The following TOGARAM2 variants were observed in gnomAD, a reference collection of about 807,000 sequenced individuals.
The protein encoded by TOGARAM2 is TOG array regulator of axonemal microtubules protein 2.
A neutral mutation model predicts 93.3 loss-of-function variants in TOGARAM2; 85 were observed. That is an observed-to-expected ratio of 0.91 (90% CI 0.76 to 1.09). The LOEUF (loss-of-function observed/expected upper bound fraction) is 1.09. Ranked by LOEUF, TOGARAM2 falls within the 50% of genes least tolerant of loss-of-function variation. TOGARAM2 has a pLI of 0.00. For missense variants in TOGARAM2, 1,277 were observed against 1,334.5 expected (o/e 0.96, Z 0.67); for synonymous variants, 593 against 552.8 (o/e 1.07, Z -1.02).
intron 1 of TOGARAM2, among the ~76,000 whole-genome samples, chr2:28,957,621 G>T (rs998323649): frequency 2.0e-5 from 3 of 152,330 alleles, no homozygotes; most frequent in East Asian, 3.9e-4. Context: ...TGGAAGAAAT[G>T]ATCTCATTGC....
intron 18 of TOGARAM2, among the ~76,000 whole-genome samples, chr2:29,039,962 C>T (rs971405688): frequency 1.4e-4 from 22 of 152,202 alleles, no homozygotes; most frequent in Non-Finnish European, 2.1e-4. Flanking sequence ...TAATTTACTC[C>T]AGCCCCTGGT....
At chr2:29,018,897 A>G (rs201724163) in intron 10 of TOGARAM2, among the ~76,000 whole-genome samples, 296 of 152,322 alleles carry the variant, frequency 1.9e-3, no homozygotes, top group African/African-American at 6.8e-3. Flanking sequence ...TCAGGCTCAA[A>G]GACAGAAGCT....
intron 1 of TOGARAM2, among the ~76,000 whole-genome samples, chr2:28,983,792 C>G (rs1260001508): frequency 6.6e-6 from 1 of 152,172 alleles, no homozygotes; most frequent in Non-Finnish European, 1.5e-5. Flanking sequence ...ATGAGTGCTC[C>G]CATTGCTCTG....
chr2:29,027,996 G>A (rs1452603884), intron 14 of TOGARAM2, among the ~76,000 whole-genome samples: 1 of 152,208 alleles, frequency 6.6e-6, no homozygotes. Context: ...GTGTGTGATT[G>A]GAAGTCATTG....
At chr2:28,973,603 G>T (rs1671985460) in intron 1 of TOGARAM2, among the ~76,000 whole-genome samples, 1 of 151,298 alleles carries the variant, frequency 6.6e-6, no homozygotes, top group Admixed American at 6.6e-5. Context: ...GCTCATTGTA[G>T]CCTCAAACTC....
At chr2:28,992,070 C>T (rs1475584355) in intron 1 of TOGARAM2, among the ~76,000 whole-genome samples, 2 of 152,102 alleles carry the variant, frequency 1.3e-5, no homozygotes, top group Non-Finnish European at 1.5e-5. Flanking sequence ...CCTTAGTGTC[C>T]AGAGCAGTGC....
intron 1 of TOGARAM2, chr2:28,972,367 T>G (rs1671961511): frequency 6.6e-6 from 1 of 152,266 alleles, no homozygotes; most frequent in Non-Finnish European, 1.5e-5. Flanking sequence ...CCTTTCAAAG[T>G]GCTGGGATTA....
intron 1 of TOGARAM2, among the ~76,000 whole-genome samples, chr2:28,968,812 T>C (rs1671903278): frequency 1.2e-5 from 1 of 82,836 alleles, no homozygotes; most frequent in Non-Finnish European, 2.1e-5. Context: ...AGTGAGACTC[T>C]GTCAAAAAAA....
At chr2:28,993,032 C>CA (rs1308053579) in intron 1 of TOGARAM2, among the ~76,000 whole-genome samples, 2 of 146,794 alleles carry the variant, frequency 1.4e-5, no homozygotes, top group African/African-American at 2.5e-5. Flanking sequence ...TGCACTCCAG[C>CA]CTGGGTGGCA....
intron 1 of TOGARAM2, among the ~76,000 whole-genome samples, chr2:28,959,165 G>A (rs571894735): frequency 1.7e-4 from 26 of 152,270 alleles, no homozygotes; most frequent in Admixed American, 1.4e-3. Flanking sequence ...ATGCTAACCC[G>A]AAAAAGTGCC....
intron 1 of TOGARAM2, among the ~76,000 whole-genome samples, chr2:28,992,095 C>A (rs1672761343): frequency 6.6e-6 from 1 of 152,112 alleles, no homozygotes; most frequent in Non-Finnish European, 1.5e-5. Context: ...TGTGATGGGG[C>A]CTCGGTGAAT....
At chr2:28,982,210 C>T (rs566819061) in intron 1 of TOGARAM2, among the ~76,000 whole-genome samples, 24 of 152,216 alleles carry the variant, frequency 1.6e-4, no homozygotes, top group Non-Finnish European at 3.1e-4. Flanking sequence ...GTTGTTGATG[C>T]TGTTGTTAGG....
chr2:28,964,468 GTTT>G (rs35630231), intron 1 of TOGARAM2, among the ~76,000 whole-genome samples: 1 of 137,212 alleles, frequency 7.3e-6, no homozygotes. Context: ...ATTGGGTCTT[GTTT>G]TTTTTTTTTT....
intron 14 of TOGARAM2, among the ~76,000 whole-genome samples, chr2:29,029,628 T>C (rs182572249): frequency 0.15 from 20,616 of 138,554 alleles, 2,214 homozygotes; most frequent in Non-Finnish European, 0.21. Context: ...TGGTGGCGGG[T>C]GCCTGTAGTC....
intron 19 of TOGARAM2, chr2:29,045,635 T>G (rs778831670): frequency 7.4e-6 from 4 of 538,500 alleles, no homozygotes; most frequent in Non-Finnish European, 1.3e-5. Context: ...AGCAAAAGTG[T>G]TTTTAAAAAA....
At position 28,994,869 on chromosome 2, in the gene TOGARAM2, G is replaced by T; in HGVS notation, c.28+7G>T. 6.4e-7 allele frequency: 1 copy of T among 1,552,314 alleles called. No homozygotes were observed. The highest frequency in any genetic ancestry group is 8.7e-7 in the Non-Finnish European group (1 of 1,147,360). On this transcript the variant is annotated splice_region_variant and intron_variant, in intron 2 of 19. Coordinates refer to ENST00000379558, the MANE Select transcript of TOGARAM2 (RefSeq NM_199280.4). Reference sequence around the variant, plus strand: ...CGTGACGATGTCCCCGAAGGTAAGGGGCACCATGGGAGGCCTGCTGCTGGT... The same window carrying T: ...CGTGACGATGTCCCCGAAGGTAAGGTGCACCATGGGAGGCCTGCTGCTGGT...
At position 29,026,902 on chromosome 2, in the gene TOGARAM2, G is replaced by T; in HGVS notation, c.1903G>T (p.Val635Leu). ...RKYAAEHLSAVLEQIGAEKLL... is the reference protein window; with the variant it reads ...RKYAAEHLSALLEQIGAEKLL... ...ATACGCGGCTGAGCACCTCTCAGCTGTGCTGGAGCAGATCGGCGCTGAGAA... is the reference window on the plus strand; with the variant it reads ...ATACGCGGCTGAGCACCTCTCAGCTTTGCTGGAGCAGATCGGCGCTGAGAA... Residue 635 changes from valine (V) to leucine (L), a missense_variant, in exon 14 of 20, where the codon GTG becomes TTG. Physicochemically the swap from Val to Leu is conservative, Grantham distance 32. Coordinates refer to ENST00000379558, the MANE Select transcript of TOGARAM2 (RefSeq NM_199280.4). 6.3e-7 allele frequency: 1 copy of T among 1,592,962 alleles called. No individual in the cohort carries two copies. The highest frequency in any genetic ancestry group is 8.5e-7 in the Non-Finnish European group (1 of 1,169,858).
upstream of TOGARAM2, among the ~76,000 whole-genome samples, chr2:28,977,489 A>T (rs756050453): frequency 6.6e-6 from 1 of 152,042 alleles, no homozygotes; most frequent in Non-Finnish European, 1.5e-5. Flanking sequence ...CTGCCATACA[A>T]TGTATGGGGC....
intron 13 of TOGARAM2, among the ~76,000 whole-genome samples, chr2:29,025,935 C>G (rs539441535): frequency 5.3e-5 from 8 of 152,276 alleles, no homozygotes; most frequent in Non-Finnish European, 8.8e-5. Context: ...GGAATCAGGA[C>G]TCCAGCCAGG....
Sources: allele counts gnomAD v4.1 joint callset (sites outside exome capture counted in the v4.1 genomes callset), GRCh38; gene constraint gnomAD v4.1.1; transcripts MANE v1.5; gene names NCBI Gene and HGNC (gene_info 2026-07-23, HGNC 2026-07-21).